The following RBFOX1 variants were observed in gnomAD, a reference collection of about 807,000 sequenced individuals.
RBFOX1 encodes the protein RNA binding protein fox-1 homolog 1.
A neutral mutation model predicts 57.7 loss-of-function variants in RBFOX1; 8 were observed. The ratio of observed to expected loss-of-function variants is 0.14; its 90% CI spans 0.08 to 0.25. RBFOX1 has a LOEUF of 0.25. Among genes scored for constraint, RBFOX1 ranks in the 10% least tolerant of loss-of-function variants. RBFOX1 has a pLI of 1.00. For missense variants in RBFOX1, 611 were observed against 548.5 expected, an observed-to-expected ratio of 1.11 and a Z score of -1.14; for synonymous variants, 326 against 222.4, an observed-to-expected ratio of 1.47 and a Z score of -4.15.
chr16:6,328,225 C>G (rs1393832462), intron 2 of RBFOX1, among the ~76,000 whole-genome samples: 1 of 151,978 alleles, frequency 6.6e-6, no homozygotes, highest in Non-Finnish European at 1.5e-5. Context: ...GGGAGCTAAG[C>G]TATGAGAATG....
intron 4 of RBFOX1, among the ~76,000 whole-genome samples, chr16:5,909,706 C>T (rs2058563163): frequency 6.6e-6 from 1 of 152,178 alleles, no homozygotes; most frequent in East Asian, 1.9e-4. Context: ...GTGGCTGATT[C>T]ACCAAACTGG....
chr16:6,864,364 C>G (rs1450585744), intron 3 of RBFOX1, among the ~76,000 whole-genome samples: 2 of 152,054 alleles, frequency 1.3e-5, no homozygotes, highest in African/African-American at 4.8e-5. Context: ...TAATTTCAGA[C>G]TGCAATAAAG....
At chr16:6,732,677 A>G (rs1476621613) in intron 3 of RBFOX1, among the ~76,000 whole-genome samples, 6 of 152,214 alleles carry the variant, frequency 3.9e-5, no homozygotes, top group African/African-American at 7.2e-5. Context: ...TAGCATTTAC[A>G]TAGTATGTTG....
chr16:6,665,089 G>C (rs1428543673), intron 3 of RBFOX1, among the ~76,000 whole-genome samples: 1 of 152,198 alleles, frequency 6.6e-6, no homozygotes, highest in Non-Finnish European at 1.5e-5. Context: ...CTTCAGCATA[G>C]CTGGATGCTG....
intron 4 of RBFOX1, among the ~76,000 whole-genome samples, chr16:7,163,418 C>T (rs755058906): frequency 2.0e-5 from 3 of 152,082 alleles, no homozygotes; most frequent in East Asian, 1.9e-4. Context: ...GTGTATGAAG[C>T]GGCTGGTCTG....
intron 4 of RBFOX1, among the ~76,000 whole-genome samples, chr16:7,250,508 C>A (rs1017657370): frequency 1.3e-5 from 2 of 152,176 alleles, no homozygotes; most frequent in African/African-American, 4.8e-5. Context: ...TTACACTTAC[C>A]TTGTCTCTGC....
At chr16:6,499,390 A>T (rs959546309) in intron 2 of RBFOX1, among the ~76,000 whole-genome samples, 2 of 152,136 alleles carry the variant, frequency 1.3e-5, no homozygotes, top group Non-Finnish European at 2.9e-5. Flanking sequence ...AAAAAAAGGT[A>T]TGAAAAATCT....
chr16:7,133,743 T>G (rs1005656616), intron 4 of RBFOX1, among the ~76,000 whole-genome samples: 1 of 152,028 alleles, frequency 6.6e-6, no homozygotes, highest in Non-Finnish European at 1.5e-5. Flanking sequence ...AGACGTAGAA[T>G]AACACATCAT....
chr16:7,701,365 C>G (rs2080659867), intron 14 of RBFOX1, among the ~76,000 whole-genome samples: 2 of 152,152 alleles, frequency 1.3e-5, no homozygotes, highest in East Asian at 1.9e-4. Context: ...ACATTCCTGC[C>G]TGAGCTCCAC....
intron 1 of RBFOX1, among the ~76,000 whole-genome samples, chr16:6,297,206 C>G (rs550832296): frequency 3.2e-4 from 48 of 152,250 alleles, no homozygotes; most frequent in African/African-American, 1.0e-3. Context: ...ATTTTATCAG[C>G]AAGATCTTTA....
chr16:5,723,585 G>C (rs1230855893), intron 3 of RBFOX1, among the ~76,000 whole-genome samples: 1 of 152,048 alleles, frequency 6.6e-6, no homozygotes, highest in Admixed American at 6.5e-5. Context: ...GGAAACTGTG[G>C]ATTAAACAGT....
intron 3 of RBFOX1, among the ~76,000 whole-genome samples, chr16:7,042,560 T>G (rs1339081966): frequency 2.6e-5 from 4 of 152,242 alleles, no homozygotes; most frequent in Non-Finnish European, 5.9e-5. Flanking sequence ...AGGAACTGTT[T>G]AGCACATTTT....
At chr16:6,828,817 A>C (rs2092448775) in intron 3 of RBFOX1, among the ~76,000 whole-genome samples, 1 of 152,172 alleles carries the variant, frequency 6.6e-6, no homozygotes, top group Non-Finnish European at 1.5e-5. Context: ...GGATGGCATC[A>C]CAATTCTAAG....
At chr16:7,038,880 T>C (rs1192912305) in intron 3 of RBFOX1, among the ~76,000 whole-genome samples, 1 of 152,180 alleles carries the variant, frequency 6.6e-6, no homozygotes, top group African/African-American at 2.4e-5. Context: ...AAACACCTCA[T>C]TAAAACGTGT....
chr16:5,833,700 A>G (rs1177670741), intron 3 of RBFOX1, among the ~76,000 whole-genome samples: 1 of 152,096 alleles, frequency 6.6e-6, no homozygotes, highest in African/African-American at 2.4e-5. Context: ...GGTCCTTGAA[A>G]TGTCTCATGT....
chr16:5,996,026 C>A (rs904571897), intron 4 of RBFOX1, among the ~76,000 whole-genome samples: 1 of 152,116 alleles, frequency 6.6e-6, no homozygotes, highest in Non-Finnish European at 1.5e-5. Context: ...AGAAAAGGAG[C>A]TCTCTGGGAC....
At chr16:7,190,044 A>T (rs1413669710) in intron 4 of RBFOX1, among the ~76,000 whole-genome samples, 1 of 152,242 alleles carries the variant, frequency 6.6e-6, no homozygotes, top group African/African-American at 2.4e-5. Flanking sequence ...ATTTACTGGC[A>T]GGGCTAGCAC....
At chr16:6,678,641 G>A (rs2058140695) in intron 3 of RBFOX1, among the ~76,000 whole-genome samples, 1 of 151,348 alleles carries the variant, frequency 6.6e-6, no homozygotes, top group Admixed American at 6.6e-5. Flanking sequence ...TTTACCATAT[G>A]TGGGAAATGA....
intron 3 of RBFOX1, among the ~76,000 whole-genome samples, chr16:6,923,499 C>G (rs181424352): frequency 1.3e-5 from 2 of 152,230 alleles, no homozygotes; most frequent in Non-Finnish European, 2.9e-5. Context: ...CAACACTGCA[C>G]TCCAGCCTGG....
Sources: allele counts gnomAD v4.1 joint callset (sites outside exome capture counted in the v4.1 genomes callset), GRCh38; gene constraint gnomAD v4.1.1; transcripts MANE v1.5; gene names NCBI Gene and HGNC (gene_info 2026-07-23, HGNC 2026-07-21).